Variants in SNX25 observed in about 807,000 individuals in gnomAD.
SNX25 encodes sorting nexin-25.
SNX25 carries 62 observed loss-of-function variants against 113.7 expected under a neutral mutation model. The observed-to-expected ratio is 0.55, with a 90% confidence interval of 0.44 to 0.67. SNX25 has a LOEUF of 0.67. Ranked by LOEUF, SNX25 falls within the 30% of genes least tolerant of loss-of-function variation. SNX25 has a pLI of 0.00. For missense variants in SNX25, 1,014 were observed against 1,161.0 expected, an observed-to-expected ratio of 0.87 and a Z score of 1.84; for synonymous variants, 421 against 436.2, an observed-to-expected ratio of 0.97 and a Z score of 0.43.
chr4:185,306,920 T>C (rs1278969262), intron 6 of SNX25, among the ~76,000 whole-genome samples: 2 of 152,172 alleles, frequency 1.3e-5, no homozygotes, highest in Admixed American at 1.3e-4. Context: ...GCTAAATTAG[T>C]GAGTTCTTTA....
At chr4:185,274,568 G>A (rs1467638832) in intron 5 of SNX25, among the ~76,000 whole-genome samples, 1 of 152,194 alleles carries the variant, frequency 6.6e-6, no homozygotes, top group African/African-American at 2.4e-5. Flanking sequence ...ATAGCACATG[G>A]ATAGTTTAGT....
intron 4 of SNX25, among the ~76,000 whole-genome samples, chr4:185,265,734 CATT>C (rs1335948839): frequency 2.0e-5 from 3 of 152,226 alleles, no homozygotes; most frequent in African/African-American, 7.2e-5. Context: ...CATTTATCAT[CATT>C]ATCAAGTATG....
intron 6 of SNX25, among the ~76,000 whole-genome samples, chr4:185,298,986 A>C (rs545501640): frequency 1.6e-4 from 24 of 152,216 alleles, no homozygotes; most frequent in Non-Finnish European, 2.8e-4. Flanking sequence ...GTACAGCAGT[A>C]CCCTCAGATC....
chr4:185,279,499 C>CT (rs1295255554), intron 5 of SNX25, among the ~76,000 whole-genome samples: 1 of 152,080 alleles, frequency 6.6e-6, no homozygotes, highest in Admixed American at 6.5e-5. Flanking sequence ...TTTCATAACT[C>CT]TAAGTCCTAA....
At chr4:185,277,706 T>G in intron 5 of SNX25, among the ~76,000 whole-genome samples, 1 of 150,814 alleles carries the variant, frequency 6.6e-6, no homozygotes, top group Non-Finnish European at 1.5e-5. Context: ...TGATGAGTTT[T>G]GAGTACTTAT....
intron 2 of SNX25, among the ~76,000 whole-genome samples, chr4:185,249,709 T>C (rs1304941869): frequency 6.6e-6 from 1 of 152,144 alleles, no homozygotes; most frequent in African/African-American, 2.4e-5. Flanking sequence ...ATCTCCATTC[T>C]GTAGTTAAGT....
At chr4:185,264,412 C>T in intron 3 of SNX25, 26 bp from the exon 4 acceptor site, 2 of 1,599,640 alleles carry the variant, frequency 1.3e-6, no homozygotes, top group Non-Finnish European at 1.7e-6. Context: ...AAACTTCTTT[C>T]CTTCTTTTTC....
chr4:185,317,930 G>A (rs889219423), intron 7 of SNX25, among the ~76,000 whole-genome samples: 1 of 152,030 alleles, frequency 6.6e-6, no homozygotes, highest in Non-Finnish European at 1.5e-5. Context: ...ATGTATCCCA[G>A]AATTTAAAGT....
chr4:185,223,430 A>G (rs1740314393), intron 1 of SNX25, among the ~76,000 whole-genome samples: 1 of 152,062 alleles, frequency 6.6e-6, no homozygotes, highest in Non-Finnish European at 1.5e-5. Context: ...GTGTCCTGCA[A>G]ATTGACAGTG....
intron 3 of SNX25, among the ~76,000 whole-genome samples, chr4:185,262,096 CTT>C (rs1174678817): frequency 6.6e-6 from 1 of 151,210 alleles, no homozygotes; most frequent in Non-Finnish European, 1.5e-5. Context: ...TGCAGAATGA[CTT>C]TGGTAGCCTG....
intron 2 of SNX25, among the ~76,000 whole-genome samples, chr4:185,256,583 C>T (rs561257003): frequency 6.6e-6 from 1 of 151,678 alleles, no homozygotes; most frequent in East Asian, 1.9e-4. Context: ...CTCCCTCTCC[C>T]CACCCTCCAA....
At chr4:185,243,152 T>C (rs1744318569) in intron 1 of SNX25, among the ~76,000 whole-genome samples, 1 of 152,212 alleles carries the variant, frequency 6.6e-6, no homozygotes, top group Admixed American at 6.5e-5. Flanking sequence ...AACATTATTC[T>C]CATAAACCCA....
chr4:185,285,423 G>A (rs1367678424), intron 5 of SNX25, among the ~76,000 whole-genome samples: 1 of 152,174 alleles, frequency 6.6e-6, no homozygotes, highest in Middle Eastern at 3.2e-3. Context: ...GTATTTTCGT[G>A]CGTTTCTTTG....
intron 12 of SNX25, among the ~76,000 whole-genome samples, chr4:185,342,681 T>G (rs1267014859): frequency 0.015 from 1,196 of 78,148 alleles, no homozygotes; most frequent in Middle Eastern, 0.058. Flanking sequence ...AAGGGAGGCA[T>G]TAAGGCGCGG....
At chr4:185,346,509 A>G in intron 12 of SNX25, 28 bp from the exon 13 acceptor site, 1 of 1,358,198 alleles carries the variant, frequency 7.4e-7, no homozygotes, top group Non-Finnish European at 1.0e-6. Context: ...ATTTCAAAAT[A>G]CTAACATTTC....
At chr4:185,245,276 C>T (rs1466569060) in intron 1 of SNX25, among the ~76,000 whole-genome samples, 5 of 151,400 alleles carry the variant, frequency 3.3e-5, no homozygotes, top group African/African-American at 4.9e-5. Context: ...TTAATGTAGT[C>T]TCACTAGCAA....
chr4:185,351,974 C>T (rs1165110377), intron 14 of SNX25, among the ~76,000 whole-genome samples: 1 of 151,912 alleles, frequency 6.6e-6, no homozygotes, highest in South Asian at 2.1e-4. Context: ...GGCCGGAGGT[C>T]GTTGGCCTGG....
intron 11 of SNX25, among the ~76,000 whole-genome samples, chr4:185,368,975 G>A (rs532284516): frequency 6.6e-6 from 1 of 151,794 alleles, no homozygotes; most frequent in South Asian, 2.1e-4. Flanking sequence ...TGTATTTCTA[G>A]TAGAGATGGG....
chr4:185,205,061 G>A (rs1418697697), upstream of SNX25, among the ~76,000 whole-genome samples: 1 of 152,190 alleles, frequency 6.6e-6, no homozygotes, highest in African/African-American at 2.4e-5. Flanking sequence ...CCTGTCCCGG[G>A]GAGTTCCAGT....
Sources: allele counts gnomAD v4.1 joint callset (sites outside exome capture counted in the v4.1 genomes callset), GRCh38; gene constraint gnomAD v4.1.1; transcripts MANE v1.5; gene names NCBI Gene and HGNC (gene_info 2026-07-23, HGNC 2026-07-21).